RBMS3: variants seen among roughly 807,000 people sequenced by gnomAD.
RBMS3 encodes the protein RNA-binding motif, single-stranded-interacting protein 3.
A neutral mutation model predicts 66.8 loss-of-function variants in RBMS3; 27 were observed. The observed-to-expected ratio is 0.40, with a 90% CI of 0.30 to 0.56. RBMS3 has a LOEUF of 0.56. RBMS3 is among the 20% of genes least tolerant of loss of function. The probability of loss-of-function intolerance (pLI) is 0.40; values close to 1 mark genes in which losing one functional copy is unlikely to be tolerated. For missense variants in RBMS3, 513 were observed against 549.5 expected, an observed-to-expected ratio of 0.93 and a Z score of 0.66; for synonymous variants, 188 against 183.0, an observed-to-expected ratio of 1.03 and a Z score of -0.22.
chr3:29,604,128 A>G (rs879354350), intron 4 of RBMS3, among the ~76,000 whole-genome samples: 5 of 151,990 alleles, frequency 3.3e-5, no homozygotes, highest in African/African-American at 9.7e-5. Context: ...GAGAAACGCT[A>G]TTTTGGAATA....
intron 14 of RBMS3, among the ~76,000 whole-genome samples, chr3:29,994,082 C>A (rs1190513345): frequency 6.6e-6 from 1 of 152,124 alleles, no homozygotes; most frequent in Non-Finnish European, 1.5e-5. Context: ...GCACCGTGCG[C>A]AAGCCGAAGC....
At chr3:29,691,951 T>TCTCTA (rs2052041085) in intron 4 of RBMS3, among the ~76,000 whole-genome samples, 12 of 47,998 alleles carry the variant, frequency 2.5e-4, no homozygotes, top group African/African-American at 7.6e-4. Context: ...CTCTCTCTAT[T>TCTCTA]TTTTTTTTTT....
intron 4 of RBMS3, among the ~76,000 whole-genome samples, chr3:29,692,437 T>C (rs963306229): frequency 3.9e-5 from 6 of 152,182 alleles, no homozygotes; most frequent in Non-Finnish European, 8.8e-5. Context: ...CAATAAGCAT[T>C]ATTATGCTTT....
chr3:29,986,460 G>A (rs138143211), intron 12 of RBMS3, among the ~76,000 whole-genome samples: 7 of 152,248 alleles, frequency 4.6e-5, no homozygotes, highest in African/African-American at 1.7e-4. Flanking sequence ...GATATATCAG[G>A]CAGCATTGCT....
In RBMS3 at chr3:29,461,567, C is replaced by T. The variant is rs563916365; in HGVS notation, c.248+26652C>T. ...CTGCATCTTGGTAATATTACAACAC[C>T]GTATAGGACTGAGCTCTTGAAATGT... is the stretch of plus-strand genomic sequence containing the variant. On this transcript the variant is annotated intron_variant, in intron 2 of 14. Coordinates refer to ENST00000383767, the MANE Select transcript of RBMS3 (RefSeq NM_001003793.3). Among the ~76,000 whole-genome samples, 3 of 152,220 alleles carry T rather than the reference C, an allele frequency of 2.0e-5. No individual in the cohort carries two copies. The South Asian group carries it at 6.2e-4, about 32-fold the overall frequency.
intron 6 of RBMS3, among the ~76,000 whole-genome samples, chr3:29,778,038 T>A (rs1267910972): frequency 6.6e-6 from 1 of 151,874 alleles, no homozygotes; most frequent in Admixed American, 6.6e-5. Flanking sequence ...AGCACTGATA[T>A]CTCCCCTTGA....
intron 1 of RBMS3, among the ~76,000 whole-genome samples, chr3:29,361,745 T>A (rs914114189): frequency 1.3e-5 from 2 of 152,192 alleles, no homozygotes; most frequent in Non-Finnish European, 2.9e-5. Flanking sequence ...CTTTGCTTAT[T>A]TCTTTTTATT....
chr3:29,748,052 G>A (rs2055004432), intron 5 of RBMS3, among the ~76,000 whole-genome samples: 2 of 152,114 alleles, frequency 1.3e-5, no homozygotes, highest in Admixed American at 1.3e-4. Flanking sequence ...CAAACATAGG[G>A]GTGTAATAGA....
intron 4 of RBMS3, among the ~76,000 whole-genome samples, chr3:29,707,771 C>T (rs182000012): frequency 5.3e-5 from 8 of 152,068 alleles, no homozygotes; most frequent in Non-Finnish European, 1.0e-4. Flanking sequence ...TCTTGCCAAA[C>T]GAGGGTAGGA....
intron 12 of RBMS3, among the ~76,000 whole-genome samples, chr3:29,946,074 TCA>T (rs1315808292): frequency 2.0e-5 from 3 of 151,886 alleles, no homozygotes; most frequent in Non-Finnish European, 4.4e-5. Context: ...TTGGGAGATT[TCA>T]CAGTTATTTT....
At position 29,533,262 on chromosome 3, in the gene RBMS3, G is replaced by C. The variant is rs192055763; in HGVS notation, c.307+44763G>C. ...GGAGGCTGAGGCAGGAGGATCATTT[G>C]TCCCCAGGAGTTTGAGACCAGTGTG... On this transcript the variant is annotated intron_variant, in intron 3 of 14. Transcript: ENST00000383767. Among the ~76,000 whole-genome samples, 82 of 152,208 alleles carry C rather than the reference G, an allele frequency of 5.4e-4. No homozygotes were observed. In the East Asian group the frequency reaches 0.012, roughly 22 times the overall value.
intron 4 of RBMS3, among the ~76,000 whole-genome samples, chr3:29,687,117 A>T (rs372167544): frequency 4.3e-4 from 65 of 152,272 alleles, no homozygotes; most frequent in African/African-American, 1.5e-3. Flanking sequence ...TTTGAGTCAG[A>T]TAAGTTTTTT....
chr3:29,993,880 T>C lies in RBMS3; in HGVS notation c.1307+2671T>C, dbSNP rs563254569. On this transcript the variant is annotated intron_variant, in intron 14 of 14. Coordinates refer to ENST00000383767, the MANE Select transcript of RBMS3 (RefSeq NM_001003793.3). ...TGGGACTTCTCAATCTTAATAATTG[T>C]GCAAGTCAATTTCTTATTTTAAAAA... 6.6e-5 allele frequency among the ~76,000 whole-genome samples: 10 copies of C among 152,296 alleles called. No individual in the cohort carries two copies. In the East Asian group the frequency reaches 1.7e-3, roughly 26 times the overall value.
intron 4 of RBMS3, among the ~76,000 whole-genome samples, chr3:29,597,729 T>C (rs1039377241): frequency 4.6e-5 from 7 of 152,144 alleles, no homozygotes; most frequent in Non-Finnish European, 7.4e-5. Context: ...TTTTTCCCTA[T>C]TGAAATGGAT....
At chr3:29,671,231 TC>T (rs936818749) in intron 4 of RBMS3, among the ~76,000 whole-genome samples, 31 of 151,308 alleles carry the variant, frequency 2.0e-4, no homozygotes, top group Non-Finnish European at 2.1e-4. Flanking sequence ...AGGAATAGCA[TC>T]AACGTCAACA....
At chr3:29,285,572 C>T (rs2032256262) in intron 1 of RBMS3, among the ~76,000 whole-genome samples, 2 of 152,058 alleles carry the variant, frequency 1.3e-5, no homozygotes, top group Non-Finnish European at 1.5e-5. Context: ...TCTGGTTCCC[C>T]AGAAGGTCTT....
chr3:29,608,857 T>C (rs115472836), intron 4 of RBMS3, among the ~76,000 whole-genome samples: 2,591 of 152,108 alleles, frequency 0.017, 83 homozygotes, highest in African/African-American at 0.059. Flanking sequence ...CTCTCTTCTG[T>C]GCTCCTTGTT....
chr3:29,532,262 G>GTATATATATATATATATATATA (rs869225843), intron 3 of RBMS3, among the ~76,000 whole-genome samples: 2 of 62,692 alleles, frequency 3.2e-5, no homozygotes, highest in African/African-American at 1.4e-4. Context: ...ATATATATAT[G>GTATATATATATATATATATATA]TATATATATA....
chr3:29,823,455 A>T (rs1393726671), intron 6 of RBMS3, among the ~76,000 whole-genome samples: 1 of 152,230 alleles, frequency 6.6e-6, no homozygotes, highest in African/African-American at 2.4e-5. Context: ...AATATATCAC[A>T]GTCTGTTGAA....
Sources: gnomAD v4.1 joint callset for allele counts (sites outside exome capture counted in the v4.1 genomes callset) on GRCh38, gnomAD v4.1.1 for gene constraint, MANE v1.5 for transcripts, NCBI Gene and HGNC (gene_info 2026-07-23, HGNC 2026-07-21) for gene names.